MAP4K3: variants seen among roughly 807,000 people sequenced by gnomAD.
The protein encoded by MAP4K3 is mitogen-activated protein kinase kinase kinase kinase 3.
Under a neutral mutation model 143.5 loss-of-function variants are expected in MAP4K3, and 94 were observed. The observed-to-expected ratio is 0.65, with a 90% confidence interval of 0.55 to 0.78. MAP4K3 has a LOEUF of 0.78. MAP4K3 is among the 30% of genes least tolerant of loss of function. The pLI is 0.00. For synonymous variants in MAP4K3, 416 were observed against 347.2 expected (o/e 1.20, Z -2.20); for missense variants, 1,077 against 1,068.1 (o/e 1.01, Z -0.12).
At chr2:39,422,008 A>G (rs773409428) in intron 1 of MAP4K3, among the ~76,000 whole-genome samples, 19 of 151,208 alleles carry the variant, frequency 1.3e-4, no homozygotes, top group Middle Eastern at 3.2e-3. Flanking sequence ...ACTTAACGCT[A>G]TAATTACTCC....
intron 1 of MAP4K3, among the ~76,000 whole-genome samples, chr2:39,427,803 G>C (rs1665140678): frequency 6.6e-6 from 1 of 150,828 alleles, no homozygotes; most frequent in Admixed American, 6.6e-5. Flanking sequence ...CTACATTGTA[G>C]GTCAAGTGAG....
rs540859522 is a variant in MAP4K3 at position 39,422,414 on chromosome 2, A to G, written c.96+14478T>C. ...TGGAAACAGAGGAAAGACCATGTAT[A>G]GACACCAGGAGAAAACAGCCAACTA... On this transcript the variant is annotated intron_variant, in intron 1 of 33. Coordinates refer to ENST00000263881, the MANE Select transcript of MAP4K3 (RefSeq NM_003618.4). Among the ~76,000 whole-genome samples the G allele has an allele frequency of 1.8e-4, 28 of 152,316 alleles. No individual in the cohort carries two copies. The East Asian group carries it at 2.5e-3, about 14-fold the overall frequency.
intron 2 of MAP4K3, among the ~76,000 whole-genome samples, chr2:39,371,484 G>C (rs911219984): frequency 6.6e-6 from 1 of 152,060 alleles, no homozygotes; most frequent in Admixed American, 6.6e-5. Flanking sequence ...AATACACGTT[G>C]AATTTCCCTA....
chr2:39,351,035 A>G (rs1028714834), intron 3 of MAP4K3, among the ~76,000 whole-genome samples: 18 of 152,248 alleles, frequency 1.2e-4, no homozygotes, highest in African/African-American at 4.3e-4. Flanking sequence ...ACACTGTGTT[A>G]GGTATCATAT....
At chr2:39,356,074 A>G (rs1164531788) in intron 3 of MAP4K3, 175 bp downstream of exon 3, 1 of 507,938 alleles carries the variant, frequency 2.0e-6, no homozygotes, top group Non-Finnish European at 3.5e-6. Flanking sequence ...CGACTGCAAT[A>G]TTGGTTACAG....
rs892867093 is a variant in MAP4K3 at position 39,249,320 on chromosome 2, G to C, written c.*1298C>G. On this transcript the variant is annotated 3_prime_UTR_variant, in exon 34 of 34. Transcript: ENST00000263881. ...TTTATTTTACAATATGTACAATCAGGAACATATTTTAAAACCATTATCATT... is the reference window on the plus strand; with the variant it reads ...TTTATTTTACAATATGTACAATCAGCAACATATTTTAAAACCATTATCATT... 2.6e-5 allele frequency: 4 copies of C among 152,430 alleles called. No homozygotes were observed. The highest frequency in any genetic ancestry group is 9.7e-5 in the African/African-American group (4 of 41,386). 9.4% of individuals were successfully genotyped at this position (152,430 alleles called of 1,614,324 possible).
chr2:39,286,071 G>C (rs1012251052), intron 21 of MAP4K3, among the ~76,000 whole-genome samples: 2 of 152,162 alleles, frequency 1.3e-5, no homozygotes, highest in Admixed American at 6.5e-5. Context: ...CTCTAACAGT[G>C]GTTCCCCAAC....
intron 26 of MAP4K3, among the ~76,000 whole-genome samples, chr2:39,269,126 A>T (rs1279077210): frequency 6.7e-6 from 1 of 149,872 alleles, no homozygotes; most frequent in African/African-American, 2.5e-5. Flanking sequence ...TTTTTTTTTT[A>T]GAGTTGTACA....
chr2:39,416,791 A>G (rs1667394681), intron 1 of MAP4K3, among the ~76,000 whole-genome samples: 1 of 152,186 alleles, frequency 6.6e-6, no homozygotes, highest in African/African-American at 2.4e-5. Flanking sequence ...CAACACTACA[A>G]TGTTTTCACA....
chr2:39,376,909 T>C (rs1666232777), intron 2 of MAP4K3, among the ~76,000 whole-genome samples: 1 of 152,168 alleles, frequency 6.6e-6, no homozygotes, highest in African/African-American at 2.4e-5. Context: ...TCTTATGAAT[T>C]GAAGAGTAGG....
In MAP4K3 at chr2:39,383,228, C is replaced by T. The variant is rs1028331266; in HGVS notation, c.97-5105G>A. On this transcript the variant is annotated intron_variant, in intron 1 of 33. Transcript: ENST00000263881. ...AAAAGGTTTAATTGACTCACAATTC[C>T]GCAGGGTTGGGAAGCCTCAGGAAAC... is the stretch of plus-strand genomic sequence containing the variant. Among the ~76,000 whole-genome samples, 4 of 152,066 alleles carry T rather than the reference C, an allele frequency of 2.6e-5. No homozygotes were observed. The South Asian group carries it at 8.3e-4, about 32-fold the overall frequency.
At chr2:39,293,596 G>A (rs967350363) in intron 16 of MAP4K3, among the ~76,000 whole-genome samples, 1 of 152,094 alleles carries the variant, frequency 6.6e-6, no homozygotes, top group African/African-American at 2.4e-5. Context: ...AATAATTGCA[G>A]GGTCATAGCC....
intron 2 of MAP4K3, among the ~76,000 whole-genome samples, chr2:39,364,621 A>G (rs937336818): frequency 6.6e-6 from 1 of 152,258 alleles, no homozygotes; most frequent in African/African-American, 2.4e-5. Flanking sequence ...TAATGCCAGC[A>G]CTTTGGAAGT....
At chr2:39,378,043 A>T in intron 2 of MAP4K3, 23 bp downstream of exon 2, 2 of 1,418,144 alleles carry the variant, frequency 1.4e-6, no homozygotes, top group Non-Finnish European at 2.0e-6. Context: ...GCAGTAAGAA[A>T]AAATGAATTT....
chr2:39,274,247 C>T (rs1486772740), intron 24 of MAP4K3, among the ~76,000 whole-genome samples: 4 of 147,110 alleles, frequency 2.7e-5, no homozygotes, highest in South Asian at 2.1e-4. Context: ...GATGGAGTCT[C>T]GCTGTGTTGC....
At chr2:39,332,210 C>T (rs1253934482) in intron 7 of MAP4K3, among the ~76,000 whole-genome samples, 1 of 151,922 alleles carries the variant, frequency 6.6e-6, no homozygotes, top group Non-Finnish European at 1.5e-5. Context: ...TCCCATATAT[C>T]CCCACATAAA....
intron 13 of MAP4K3, among the ~76,000 whole-genome samples, chr2:39,312,699 C>T (rs1682982863): frequency 6.6e-6 from 1 of 152,134 alleles, no homozygotes; most frequent in Admixed American, 6.6e-5. Context: ...AGAATGAGTC[C>T]ATCCTAACTG....
chr2:39,296,571 A>T (rs1279880961), intron 16 of MAP4K3, among the ~76,000 whole-genome samples: 1 of 152,232 alleles, frequency 6.6e-6, no homozygotes, highest in African/African-American at 2.4e-5. Flanking sequence ...GTCTAAAATG[A>T]CCACCAAAAT....
intron 2 of MAP4K3, among the ~76,000 whole-genome samples, chr2:39,372,053 C>T (rs1243963148): frequency 2.6e-5 from 4 of 151,654 alleles, no homozygotes; most frequent in South Asian, 2.1e-4. Context: ...AAAGACTCCA[C>T]CAAAAAACTA....
Sources: allele counts gnomAD v4.1 joint callset (sites outside exome capture counted in the v4.1 genomes callset), GRCh38; gene constraint gnomAD v4.1.1; transcripts MANE v1.5; gene names NCBI Gene and HGNC (gene_info 2026-07-23, HGNC 2026-07-21).